The following CUX1 variants were observed in gnomAD, a reference collection of about 807,000 sequenced individuals.
CUX1 encodes the protein protein CASP.
CUX1 carries 31 observed loss-of-function variants against 158.8 expected under a neutral mutation model. That is an observed-to-expected ratio of 0.20 (90% CI 0.15 to 0.26). The LOEUF (loss-of-function observed/expected upper bound fraction) is 0.26. Among genes scored for constraint, CUX1 ranks in the 10% least tolerant of loss-of-function variants. The pLI is 1.00. For missense variants in CUX1, 1,589 were observed against 2,014.6 expected (o/e 0.79, Z 4.04); for synonymous variants, 879 against 862.1 (o/e 1.02, Z -0.34).
At position 101,875,880 on chromosome 7, in the gene CUX1, C is replaced by T. The variant is rs539583552; in HGVS notation, c.31-40235C>T. ...GACTTTCTCTCTGATTTTTACAAAG[C>T]AAAAAATGAGAGTAAAGATTAAGAA... is the stretch of plus-strand genomic sequence containing the variant. On this transcript the variant is annotated intron_variant, in intron 1 of 23. Transcript: ENST00000292535. Among the ~76,000 whole-genome samples, 16 of 150,978 alleles carry T rather than the reference C, an allele frequency of 1.1e-4. No homozygotes were observed. The South Asian group carries it at 2.9e-3, about 28-fold the overall frequency.
chr7:102,064,828 C>T (rs942951250), intron 3 of CUX1, among the ~76,000 whole-genome samples: 17 of 152,322 alleles, frequency 1.1e-4, no homozygotes, highest in Admixed American at 7.8e-4. Context: ...AAAGCCCAGG[C>T]TCCCTCCCTC....
intron 1 of CUX1, among the ~76,000 whole-genome samples, chr7:101,848,119 G>T (rs1159835706): frequency 1.3e-5 from 2 of 151,128 alleles, no homozygotes; most frequent in East Asian, 1.9e-4. Flanking sequence ...AAAAATAATG[G>T]TCATAATCTG....
At chr7:102,091,286 G>A (rs571183971) in intron 4 of CUX1, among the ~76,000 whole-genome samples, 2 of 152,220 alleles carry the variant, frequency 1.3e-5, no homozygotes, top group Admixed American at 1.3e-4. Flanking sequence ...TCACAAAACA[G>A]GGCAGGTAAT....
At chr7:101,929,718 G>A (rs1360809743) in intron 2 of CUX1, among the ~76,000 whole-genome samples, 2 of 152,048 alleles carry the variant, frequency 1.3e-5, no homozygotes, top group Non-Finnish European at 2.9e-5. Flanking sequence ...AAGTATCATC[G>A]GTGCCACTTA....
At chr7:102,101,674 C>T (rs1658060524) in intron 5 of CUX1, among the ~76,000 whole-genome samples, 2 of 152,110 alleles carry the variant, frequency 1.3e-5, no homozygotes, top group Non-Finnish European at 2.9e-5. Context: ...CTTTAGGAGG[C>T]CGAGGTGAGC....
At chr7:102,030,066 C>T (rs1424769289) in intron 3 of CUX1, among the ~76,000 whole-genome samples, 1 of 151,354 alleles carries the variant, frequency 6.6e-6, no homozygotes, top group Non-Finnish European at 1.5e-5. Flanking sequence ...GGCTGGAGTG[C>T]AATGGCACAA....
chr7:102,163,546 G>A (rs1283238304), intron 9 of CUX1, among the ~76,000 whole-genome samples: 4 of 152,272 alleles, frequency 2.6e-5, no homozygotes, highest in African/African-American at 4.8e-5. Flanking sequence ...AATCGTAGGC[G>A]GGATTGAGAC....
chr7:102,109,034 G>A lies in CUX1; in HGVS notation c.531-2664G>A, dbSNP rs555957333. Among the ~76,000 whole-genome samples the A allele has an allele frequency of 3.7e-4, 57 of 152,086 alleles. 1 individual carries two copies. The highest frequency in any genetic ancestry group is 1.1e-3 in the African/African-American group (44 of 41,464). ...TTCCCAAACTGCTGGGATTACAGGC[G>A]TCATTCTTTATAACAAAAAATTGTT... On this transcript the variant is annotated intron_variant, in intron 6 of 23. Transcript: ENST00000292535.
chr7:102,282,598 C>A, intron 21 of CUX1: 1 of 1,092,452 alleles, frequency 9.2e-7, no homozygotes, highest in East Asian at 2.6e-5. Flanking sequence ...CCACCCGCCC[C>A]GGAGTCTGGG....
chr7:101,882,616 G>A (rs1186036926), intron 1 of CUX1, among the ~76,000 whole-genome samples: 4 of 152,190 alleles, frequency 2.6e-5, no homozygotes, highest in African/African-American at 9.7e-5. Flanking sequence ...GGAGCTCAGG[G>A]CCTGGTTCAC....
At chr7:101,887,842 C>A (rs1800390170) in intron 1 of CUX1, among the ~76,000 whole-genome samples, 2 of 135,070 alleles carry the variant, frequency 1.5e-5, no homozygotes. Flanking sequence ...ATGACGGTGA[C>A]ATTTTTTTTT....
intron 1 of CUX1, among the ~76,000 whole-genome samples, chr7:101,871,908 C>T (rs1798595005): frequency 6.6e-6 from 1 of 151,672 alleles, no homozygotes; most frequent in Admixed American, 6.6e-5. Flanking sequence ...ATCCCAGCTA[C>T]TTGGGAGGCT....
intron 3 of CUX1, among the ~76,000 whole-genome samples, chr7:102,040,262 AG>A (rs754144674): frequency 2.6e-4 from 39 of 152,154 alleles, no homozygotes; most frequent in Non-Finnish European, 3.5e-4. Flanking sequence ...TCATCCAGGG[AG>A]GCCTCTCCAG....
intron 8 of CUX1, among the ~76,000 whole-genome samples, chr7:102,117,419 A>T (rs1831543863): frequency 6.7e-6 from 1 of 150,016 alleles, no homozygotes; most frequent in South Asian, 2.1e-4. Flanking sequence ...AAAAAAAAAA[A>T]GGTCAATATT....
intron 3 of CUX1, among the ~76,000 whole-genome samples, chr7:102,041,111 A>G (rs959659781): frequency 6.6e-6 from 1 of 151,654 alleles, no homozygotes; most frequent in Non-Finnish European, 1.5e-5. Flanking sequence ...ACATAGTGAA[A>G]CCCTGTCTCT....
At chr7:102,241,918 C>T (rs1413298462) in intron 23 of CUX1, among the ~76,000 whole-genome samples, 1 of 151,792 alleles carries the variant, frequency 6.6e-6, no homozygotes, top group Non-Finnish European at 1.5e-5. Flanking sequence ...TGCAGTGAGC[C>T]GAGATCACAC....
chr7:102,148,914 A>G (rs1162506212), intron 8 of CUX1, among the ~76,000 whole-genome samples: 1 of 151,834 alleles, frequency 6.6e-6, no homozygotes, highest in Admixed American at 6.6e-5. Flanking sequence ...ACGAGTGAGA[A>G]CATACAATGT....
chr7:101,953,523 G>C (rs146939224), intron 2 of CUX1, among the ~76,000 whole-genome samples: 216 of 152,300 alleles, frequency 1.4e-3, no homozygotes, highest in African/African-American at 4.6e-3. Flanking sequence ...TCAGGGGAGA[G>C]GAGCCACTTC....
intron 22 of CUX1, among the ~76,000 whole-genome samples, chr7:102,236,003 C>A (rs541184526): frequency 6.7e-4 from 102 of 152,228 alleles, no homozygotes; most frequent in Non-Finnish European, 9.6e-4. Flanking sequence ...TGAGAACTGC[C>A]CTGTTTGCCA....
Sources: gnomAD v4.1 joint callset for allele counts (sites outside exome capture counted in the v4.1 genomes callset) on GRCh38, gnomAD v4.1.1 for gene constraint, MANE v1.5 for transcripts, NCBI Gene and HGNC (gene_info 2026-07-23, HGNC 2026-07-21) for gene names.